Variants in LRRC49 observed in about 807,000 individuals in gnomAD.
The protein encoded by LRRC49 is leucine rich repeat containing 49, also known as leucine-rich repeat-containing protein 49.
LRRC49 carries 50 observed loss-of-function variants against 83.3 expected under a neutral mutation model. That is an observed-to-expected ratio of 0.60 (90% CI 0.48 to 0.76). The LOEUF is 0.76. LRRC49 is among the 30% of genes least tolerant of loss of function. LRRC49 has a pLI of 0.00. For missense variants in LRRC49, 704 were observed against 809.1 expected (o/e 0.87, Z 1.58); for synonymous variants, 286 against 283.3 (o/e 1.01, Z -0.10).
chr15:70,910,120 A>G (rs990256292), intron 5 of LRRC49, among the ~76,000 whole-genome samples: 4 of 152,064 alleles, frequency 2.6e-5, no homozygotes, highest in African/African-American at 9.7e-5. Flanking sequence ...GGTGGTGGTC[A>G]TAAGGCAGTG....
rs115124936 is a variant in LRRC49, at chr15:70,963,776, C to T, written c.774-9C>T. 1,420 of 1,612,226 alleles carry T rather than the reference C, an allele frequency of 8.8e-4. 17 individuals carry two copies. In the African/African-American group the frequency reaches 0.017, roughly 20 times the overall value. ...CAGAATAATCCAGTGGTTTCTGTCT[C>T]TCCTGCAGTTTTGACAGTGTTTCCT... On this transcript the variant is annotated splice_polypyrimidine_tract_variant and intron_variant, in intron 8 of 15. Coordinates refer to ENST00000260382, the MANE Select transcript of LRRC49 (RefSeq NM_017691.5).
intron 10 of LRRC49, among the ~76,000 whole-genome samples, chr15:70,983,632 TC>T (rs1346258728): frequency 6.6e-6 from 1 of 151,762 alleles, no homozygotes; most frequent in Non-Finnish European, 1.5e-5. Flanking sequence ...CTCCTTCCCT[TC>T]CCCCCCTCCA....
At chr15:70,860,900 G>A (rs993256194) in intron 1 of LRRC49, among the ~76,000 whole-genome samples, 1 of 152,208 alleles carries the variant, frequency 6.6e-6, no homozygotes, top group African/African-American at 2.4e-5. Flanking sequence ...CCAATAGGAT[G>A]TGAACAGAAA....
At chr15:70,866,506 T>C (rs1405955858) in intron 1 of LRRC49, among the ~76,000 whole-genome samples, 1 of 152,204 alleles carries the variant, frequency 6.6e-6, no homozygotes, top group Non-Finnish European at 1.5e-5. Context: ...CCCTGTTCAC[T>C]GAGTCTTATT....
intron 1 of LRRC49, chr15:70,860,115 C>T (rs968597083): frequency 1.3e-5 from 9 of 706,272 alleles, no homozygotes; most frequent in Middle Eastern, 3.6e-4. Context: ...GATTGAGACC[C>T]GTGATGGGAA....
intron 7 of LRRC49, among the ~76,000 whole-genome samples, chr15:70,922,564 T>C (rs963223390): frequency 1.3e-5 from 2 of 151,972 alleles, no homozygotes; most frequent in African/African-American, 4.8e-5. Flanking sequence ...TGGAGATGGT[T>C]AATGGGTACA....
chr15:70,930,259 T>C (rs544263251), intron 7 of LRRC49, among the ~76,000 whole-genome samples: 1 of 152,324 alleles, frequency 6.6e-6, no homozygotes, highest in Admixed American at 6.5e-5. Context: ...AACATTAATC[T>C]CCTTCTACAT....
rs1325191598 is a variant in LRRC49, at chr15:70,984,180, T to A, written c.1092T>A (p.Asp364Glu). The A allele has an allele frequency of 6.2e-7, 1 of 1,613,384 alleles. No homozygotes were observed. Among genetic ancestry groups the A allele is most frequent in the Non-Finnish European group, 8.5e-7 (1 of 1,179,536 alleles). The change falls in exon 11 of 16, where the codon GAT becomes GAA. Residue 364 changes from aspartate (D) to glutamate (E), a missense_variant. Physicochemically the swap from Asp to Glu is conservative, Grantham distance 45. Transcript: ENST00000260382. ...QRVANIATNE[D>E]RKDSDSPQDP... Reference sequence around the variant, plus strand: ...TAGCCAATATTGCTACAAATGAAGATAGAAAAGATTCTGACTCTCCTCAGG... The same window carrying A: ...TAGCCAATATTGCTACAAATGAAGAAAGAAAAGATTCTGACTCTCCTCAGG...
At chr15:70,944,789 T>G (rs895870511) in intron 8 of LRRC49, among the ~76,000 whole-genome samples, 3 of 152,302 alleles carry the variant, frequency 2.0e-5, no homozygotes, top group Admixed American at 2.0e-4. Flanking sequence ...AGAAGGCCAT[T>G]ACCATGCAGA....
chr15:70,891,053 CTAAG>C (rs1429995986), upstream of LRRC49, among the ~76,000 whole-genome samples: 1 of 151,860 alleles, frequency 6.6e-6, no homozygotes, highest in East Asian at 1.9e-4. Context: ...GCAACCGGAC[CTAAG>C]TAAGGATTAC....
At chr15:70,900,797 C>T (rs2034040179) in intron 3 of LRRC49, 125 bp from the exon 4 acceptor site, 2 of 638,070 alleles carry the variant, frequency 3.1e-6, no homozygotes, top group Non-Finnish European at 2.8e-6. Flanking sequence ...ATATGGAGAG[C>T]TATGGAAACT....
chr15:71,036,637 A>G lies in LRRC49; in HGVS notation c.1704-542A>G, dbSNP rs997977381. 2.0e-5 allele frequency among the ~76,000 whole-genome samples: 3 copies of G among 152,142 alleles called. No homozygotes were observed. The East Asian group carries it at 5.8e-4, about 29-fold the overall frequency. On this transcript the variant is annotated intron_variant, in intron 14 of 15. Coordinates refer to ENST00000260382, the MANE Select transcript of LRRC49 (RefSeq NM_017691.5). Reference sequence around the variant, plus strand: ...ATCAAATGAGGCTTCTTGTTTCAATATTTAACCCCTACTAGAATCTTGCCA... The same window carrying G: ...ATCAAATGAGGCTTCTTGTTTCAATGTTTAACCCCTACTAGAATCTTGCCA...
Position 70,974,587 on chromosome 15 carries a change from TGA to T in LRRC49, c.922-5511_922-5510del, listed in dbSNP as rs201407783. 8.7e-3 allele frequency among the ~76,000 whole-genome samples: 1,324 copies of T among 152,274 alleles called. 16 individuals carry two copies. Among genetic ancestry groups the T allele is most frequent in the Middle Eastern group, 0.01 (3 of 292 alleles). ...GTTCTTGGTATATTGGTTGATCAAA[TGA>T]GAATCCAAAAGTATCTCCATAGTCT... On this transcript the variant is annotated intron_variant, in intron 9 of 15. Transcript: ENST00000260382.
chr15:70,897,719 CTCAG>C (rs1187912311), intron 3 of LRRC49, among the ~76,000 whole-genome samples: 1 of 152,146 alleles, frequency 6.6e-6, no homozygotes, highest in African/African-American at 2.4e-5. Context: ...CAGTGGTACT[CTCAG>C]TCAAAAGTAA....
intron 1 of LRRC49, chr15:70,858,782 T>C: frequency 9.8e-7 from 1 of 1,022,910 alleles, no homozygotes; most frequent in Non-Finnish European, 1.5e-6. Flanking sequence ...CAGCAGCTGC[T>C]CCTACACAAG....
rs1264413117 is a variant in LRRC49 at position 71,049,796 on chromosome 15, G to A, written c.*184G>A. ...AAGGAAGGAAGGAAAGCAGGAGAAA[G>A]GAAGGATTAATTGCCTGTATGTGAG... On this transcript the variant is annotated 3_prime_UTR_variant, in exon 16 of 16. Coordinates refer to ENST00000260382, the MANE Select transcript of LRRC49 (RefSeq NM_017691.5). 1.1e-5 allele frequency: 6 copies of A among 544,372 alleles called. No homozygotes were observed. The East Asian group carries it at 1.8e-4, about 17-fold the overall frequency. The allele number at this position is 544,372 out of a possible 1,614,324, so 33.7% of individuals were successfully genotyped here.
chr15:70,894,870 G>A (rs982746684), intron 2 of LRRC49: 6 of 196,772 alleles, frequency 3.0e-5, no homozygotes, highest in African/African-American at 1.4e-4. Flanking sequence ...TAGACAATTT[G>A]ATCATCTCAA....
intron 1 of LRRC49, among the ~76,000 whole-genome samples, chr15:70,855,343 A>G (rs1595961105): frequency 6.7e-6 from 1 of 148,818 alleles, no homozygotes; most frequent in African/African-American, 2.4e-5. Flanking sequence ...TCAAAAAAAA[A>G]AAAAAGAAAA....
At chr15:71,026,216 C>G (rs552863350) in intron 14 of LRRC49, among the ~76,000 whole-genome samples, 6 of 152,218 alleles carry the variant, frequency 3.9e-5, no homozygotes, top group Admixed American at 2.0e-4. Context: ...TGACTTCCAG[C>G]TTCATCCATG....
Sources: allele counts gnomAD v4.1 joint callset (sites outside exome capture counted in the v4.1 genomes callset), GRCh38; gene constraint gnomAD v4.1.1; transcripts MANE v1.5; gene names NCBI Gene and HGNC (gene_info 2026-07-23, HGNC 2026-07-21).